Variants in GPC6 observed in about 807,000 individuals in gnomAD.
GPC6 encodes glypican-6.
A neutral mutation model predicts 55.2 loss-of-function variants in GPC6; 14 were observed. That is an observed-to-expected ratio of 0.25 (90% CI 0.17 to 0.40). GPC6 has a LOEUF of 0.40. Ranked by LOEUF, GPC6 falls within the 10% of genes least tolerant of loss-of-function variation. The pLI, the probability that GPC6 is intolerant of heterozygous loss-of-function variation, is 1.00. For missense variants in GPC6, 641 were observed against 708.5 expected (o/e 0.90, Z 1.08); for synonymous variants, 278 against 259.6 (o/e 1.07, Z -0.68).
At chr13:93,531,653 G>A (rs1172838238) in intron 1 of GPC6, among the ~76,000 whole-genome samples, 1 of 152,136 alleles carries the variant, frequency 6.6e-6, no homozygotes, top group Non-Finnish European at 1.5e-5. Context: ...ATCTATTACA[G>A]TGTCCTACTA....
intron 1 of GPC6, among the ~76,000 whole-genome samples, chr13:93,523,040 T>TACACAC (rs549435033): frequency 6.7e-6 from 1 of 149,998 alleles, no homozygotes; most frequent in African/African-American, 2.4e-5. Context: ...TACAAATACA[T>TACACAC]ACACACACAC....
intron 6 of GPC6, among the ~76,000 whole-genome samples, chr13:94,366,020 T>C (rs1250412173): frequency 6.6e-6 from 1 of 152,206 alleles, no homozygotes; most frequent in Non-Finnish European, 1.5e-5. Context: ...GACTTACTTG[T>C]CCTGGATTTC....
At chr13:93,390,443 A>G (rs1053794322) in intron 1 of GPC6, among the ~76,000 whole-genome samples, 4 of 152,252 alleles carry the variant, frequency 2.6e-5, no homozygotes, top group Middle Eastern at 3.4e-3. Flanking sequence ...GGACCTCAAT[A>G]TAGTGTACTC....
intron 2 of GPC6, among the ~76,000 whole-genome samples, chr13:93,695,958 T>C (rs561963109): frequency 6.6e-6 from 1 of 152,278 alleles, no homozygotes; most frequent in African/African-American, 2.4e-5. Context: ...CCAGATTTTA[T>C]AAGAAGAAAA....
intron 4 of GPC6, among the ~76,000 whole-genome samples, chr13:94,258,638 A>G (rs1480918699): frequency 6.6e-5 from 10 of 152,206 alleles, no homozygotes; most frequent in Non-Finnish European, 1.5e-4. Flanking sequence ...CATTCAGCAA[A>G]CATCTATGGC....
chr13:94,191,633 G>A (rs1889398993), intron 4 of GPC6, among the ~76,000 whole-genome samples: 1 of 151,534 alleles, frequency 6.6e-6, no homozygotes, highest in Non-Finnish European at 1.5e-5. Context: ...TAATAGTAGA[G>A]GCAAGTTTGA....
chr13:93,602,561 T>C (rs1013735868), intron 2 of GPC6, among the ~76,000 whole-genome samples: 4 of 152,074 alleles, frequency 2.6e-5, no homozygotes. Context: ...AAATCTTAAA[T>C]GATTACTCAT....
At chr13:93,802,589 A>T (rs1886409716) in intron 2 of GPC6, among the ~76,000 whole-genome samples, 1 of 152,066 alleles carries the variant, frequency 6.6e-6, no homozygotes, top group South Asian at 2.1e-4. Flanking sequence ...TTTTTTGTAG[A>T]GACAGGGGTC....
chr13:93,403,552 TTTTGTAGATATTTGGTTAAA>T (rs946538462), intron 1 of GPC6, among the ~76,000 whole-genome samples: 1 of 152,210 alleles, frequency 6.6e-6, no homozygotes, highest in African/African-American at 2.4e-5. Flanking sequence ...GTCAATGCTC[TTTTGTAGATATTTGGTTAAA>T]TTTGTAGATA....
At chr13:93,648,569 A>G (rs1442538553) in intron 2 of GPC6, among the ~76,000 whole-genome samples, 1 of 152,192 alleles carries the variant, frequency 6.6e-6, no homozygotes, top group Admixed American at 6.6e-5. Flanking sequence ...TCTGACATTG[A>G]CAGTTGTGAA....
intron 1 of GPC6, among the ~76,000 whole-genome samples, chr13:93,249,365 G>T (rs1439184271): frequency 6.6e-6 from 1 of 152,168 alleles, no homozygotes; most frequent in African/African-American, 2.4e-5. Context: ...TTAACATTTA[G>T]AATTGTATCC....
In GPC6 at chr13:93,742,814, G is replaced by C. The variant is rs371127862; in HGVS notation, c.320-87340G>C. 5.3e-5 allele frequency among the ~76,000 whole-genome samples: 8 copies of C among 152,284 alleles called. No homozygotes were observed. The East Asian group carries it at 9.7e-4, about 18-fold the overall frequency. ...AGTGCTTTCAACAAGCTGGAAGTAT[G>C]GATGCAAACAAACCAGATGAATATT... On this transcript the variant is annotated intron_variant, in intron 2 of 8. Transcript: ENST00000377047.
chr13:94,343,365 AC>A (rs1301172489), intron 6 of GPC6, among the ~76,000 whole-genome samples: 3 of 152,302 alleles, frequency 2.0e-5, no homozygotes, highest in African/African-American at 7.2e-5. Context: ...TTGCCTCCGC[AC>A]AAAAGCACAC....
intron 1 of GPC6, among the ~76,000 whole-genome samples, chr13:93,540,864 C>G (rs145603122): frequency 9.9e-5 from 15 of 152,194 alleles, no homozygotes; most frequent in Admixed American, 4.6e-4. Flanking sequence ...TTCCCAGCCT[C>G]TAGTATCCTC....
intron 3 of GPC6, among the ~76,000 whole-genome samples, chr13:94,009,596 T>C (rs1748628123): frequency 6.6e-6 from 1 of 152,140 alleles, no homozygotes; most frequent in African/African-American, 2.4e-5. Context: ...TAGGAAATAA[T>C]TCACCTAAGA....
chr13:93,908,210 G>A (rs1468089492), intron 3 of GPC6, among the ~76,000 whole-genome samples: 1 of 152,156 alleles, frequency 6.6e-6, no homozygotes, highest in South Asian at 2.1e-4. Flanking sequence ...TTAACCAAGT[G>A]TGAGCAACAG....
chr13:93,500,695 C>T (rs528334752), intron 1 of GPC6, among the ~76,000 whole-genome samples: 9 of 152,160 alleles, frequency 5.9e-5, no homozygotes, highest in East Asian at 3.9e-4. Flanking sequence ...TTTTCCATAA[C>T]GAAAATCTTG....
chr13:94,198,461 A>G (rs1037329366), intron 4 of GPC6, among the ~76,000 whole-genome samples: 3 of 152,236 alleles, frequency 2.0e-5, no homozygotes, highest in African/African-American at 7.2e-5. Context: ...CTTGGAAAAA[A>G]GTAATGAAAA....
At chr13:93,965,106 GTT>G (rs5805837) in intron 3 of GPC6, among the ~76,000 whole-genome samples, 938 of 67,312 alleles carry the variant, frequency 0.014, 11 homozygotes, top group African/African-American at 0.051. Context: ...CTATGAGTTT[GTT>G]TTTTTTTTTT....
Sources: allele counts gnomAD v4.1 joint callset (sites outside exome capture counted in the v4.1 genomes callset), GRCh38; gene constraint gnomAD v4.1.1; transcripts MANE v1.5; gene names NCBI Gene and HGNC (gene_info 2026-07-23, HGNC 2026-07-21).